The following CENPP variants were observed in gnomAD, a reference collection of about 807,000 sequenced individuals.
The protein encoded by CENPP is centromere protein P.
A neutral mutation model predicts 35.6 loss-of-function variants in CENPP; 24 were observed. The ratio of observed to expected loss-of-function variants is 0.67; its 90% CI spans 0.49 to 0.95. The LOEUF is 0.95. Ranked by LOEUF, CENPP falls within the 40% of genes least tolerant of loss-of-function variation. The pLI is 0.00. For synonymous variants in CENPP, 120 were observed against 125.5 expected (o/e 0.96, Z 0.29); for missense variants, 332 against 345.3 (o/e 0.96, Z 0.31).
At chr9:92,526,887 G>A (rs1216614065) in intron 5 of CENPP, among the ~76,000 whole-genome samples, 5 of 152,104 alleles carry the variant, frequency 3.3e-5, no homozygotes, top group Non-Finnish European at 7.4e-5. Flanking sequence ...TGACTCACCG[G>A]AGTGACTTCC....
chr9:92,591,032 C>T (rs1850651023), intron 5 of CENPP, among the ~76,000 whole-genome samples: 1 of 152,212 alleles, frequency 6.6e-6, no homozygotes, highest in Non-Finnish European at 1.5e-5. Context: ...TAAGTTTAAA[C>T]ATTTCCACTC....
At position 92,375,395 on chromosome 9, in the gene CENPP, G is replaced by T. The variant is rs187395282; in HGVS notation, c.468-4368G>T. The stretch of plus-strand genomic sequence containing the variant: ...GCAACCTCTGCCTCCTGGGTTCAAG[G>T]GATTCTCCTGCCTCAGCCTCCTGAG... On this transcript the variant is annotated intron_variant, in intron 4 of 7. Coordinates refer to ENST00000375587, the MANE Select transcript of CENPP (RefSeq NM_001012267.3). Among the ~76,000 whole-genome samples, 3 of 151,750 alleles carry T rather than the reference G, an allele frequency of 2.0e-5. No individual in the cohort carries two copies. The East Asian group carries it at 5.8e-4, about 29-fold the overall frequency.
chr9:92,449,093 A>G (rs1844627257), intron 5 of CENPP, among the ~76,000 whole-genome samples: 1 of 152,146 alleles, frequency 6.6e-6, no homozygotes, highest in African/African-American at 2.4e-5. Context: ...AGACTGCTGT[A>G]TTCAAATCCC....
chr9:92,549,638 C>T (rs540118171), intron 5 of CENPP, among the ~76,000 whole-genome samples: 1 of 137,886 alleles, frequency 7.3e-6, no homozygotes, highest in East Asian at 2.0e-4. Context: ...GAGAGCATGA[C>T]TCCGTCTCAA....
At chr9:92,550,148 A>C (rs1277402340) in intron 5 of CENPP, among the ~76,000 whole-genome samples, 1 of 152,180 alleles carries the variant, frequency 6.6e-6, no homozygotes, top group Non-Finnish European at 1.5e-5. Flanking sequence ...CTACAATCCT[A>C]GCACTTTGGG....
intron 4 of CENPP, among the ~76,000 whole-genome samples, chr9:92,352,520 T>C (rs1436937292): frequency 1.2e-4 from 13 of 109,414 alleles, no homozygotes; most frequent in African/African-American, 3.7e-4. Flanking sequence ...CATATATATA[T>C]ATATATATAT....
chr9:92,337,416 A>C (rs1237887513), intron 2 of CENPP, 125 bp from the exon 3 acceptor site: 3 of 561,026 alleles, frequency 5.3e-6, no homozygotes, highest in Non-Finnish European at 9.7e-6. Flanking sequence ...TTTTCAATGT[A>C]ATTGCTAATG....
intron 5 of CENPP, chr9:92,457,130 G>A (rs992096621): frequency 4.0e-5 from 56 of 1,403,546 alleles, no homozygotes; most frequent in Admixed American, 6.4e-5. Flanking sequence ...GCAAAATTCC[G>A]TTGAAATTTC....
At chr9:92,395,479 G>A (rs189208349) in intron 5 of CENPP, among the ~76,000 whole-genome samples, 26 of 152,284 alleles carry the variant, frequency 1.7e-4, no homozygotes, top group Admixed American at 2.6e-4. Context: ...AAATTTATGT[G>A]TAAGTTTGTG....
intron 5 of CENPP, 38 bp from the exon 6 acceptor site, chr9:92,611,276 C>T (rs958768846): frequency 1.6e-5 from 25 of 1,549,464 alleles, no homozygotes; most frequent in East Asian, 2.2e-5. Context: ...TTTCTCCCCA[C>T]CAGTGGATCT....
At chr9:92,609,314 A>G (rs1287203305) in intron 5 of CENPP, among the ~76,000 whole-genome samples, 1 of 152,216 alleles carries the variant, frequency 6.6e-6, no homozygotes, top group Non-Finnish European at 1.5e-5. Context: ...TTCCTTTAAA[A>G]GCTTTGTCAT....
rs528651485 is a variant in CENPP at position 92,576,224 on chromosome 9, T to C, written c.565-35090T>C. On this transcript the variant is annotated intron_variant, in intron 5 of 7. Transcript: ENST00000375587. The stretch of plus-strand genomic sequence containing the variant: ...ACAAAATGGATGAAGTTTGTGGACA[T>C]TATGCTAAGTGATATAGCCAGTCAC... 5.9e-5 allele frequency among the ~76,000 whole-genome samples: 9 copies of C among 152,328 alleles called. No homozygotes were observed. In the East Asian group the frequency reaches 1.7e-3, roughly 29 times the overall value.
chr9:92,543,264 G>T (rs1313292111), intron 5 of CENPP, among the ~76,000 whole-genome samples: 1 of 151,950 alleles, frequency 6.6e-6, no homozygotes, highest in Non-Finnish European at 1.5e-5. Flanking sequence ...TTGAGGTCAG[G>T]AGTTCAAGAC....
At chr9:92,610,208 G>A (rs1375955089) in intron 5 of CENPP, among the ~76,000 whole-genome samples, 2 of 152,264 alleles carry the variant, frequency 1.3e-5, no homozygotes, top group South Asian at 2.1e-4. Flanking sequence ...GGCACGTGCC[G>A]CCAGGCCCGG....
At chr9:92,608,818 AC>A (rs1851153760) in intron 5 of CENPP, among the ~76,000 whole-genome samples, 4 of 152,350 alleles carry the variant, frequency 2.6e-5, no homozygotes, top group African/African-American at 9.6e-5. Context: ...AGTAAGGTAC[AC>A]TTTTTTTACT....
At chr9:92,540,722 G>T (rs1222970984) in intron 5 of CENPP, among the ~76,000 whole-genome samples, 6 of 150,488 alleles carry the variant, frequency 4.0e-5, no homozygotes, top group African/African-American at 1.5e-4. Flanking sequence ...GGGGAGCCGA[G>T]ATCACACCAC....
chr9:92,559,701 A>G (rs1258692686), intron 5 of CENPP, among the ~76,000 whole-genome samples: 1 of 151,834 alleles, frequency 6.6e-6, no homozygotes, highest in Non-Finnish European at 1.5e-5. Context: ...GGGTCTCACT[A>G]TGTTGCCAGG....
Position 92,360,312 on chromosome 9 carries a change from T to C in CENPP, c.467+14525T>C, listed in dbSNP as rs76927914. ...GATCACTTCCCCTTCCTGCTTCATGTGGTAGTTTTCATGTGAATTATATTC... is the reference window on the plus strand; with the variant it reads ...GATCACTTCCCCTTCCTGCTTCATGCGGTAGTTTTCATGTGAATTATATTC... On this transcript the variant is annotated intron_variant, in intron 4 of 7. Coordinates refer to ENST00000375587, the MANE Select transcript of CENPP (RefSeq NM_001012267.3). Among the ~76,000 whole-genome samples the C allele has an allele frequency of 5.3e-5, 8 of 152,332 alleles. No homozygotes were observed. The East Asian group carries it at 1.5e-3, about 29-fold the overall frequency.
chr9:92,552,242 G>T (rs1849633181), intron 5 of CENPP, among the ~76,000 whole-genome samples: 1 of 150,192 alleles, frequency 6.7e-6, no homozygotes, highest in African/African-American at 2.5e-5. Context: ...TCCACTTGTT[G>T]ATTGATGGGC....
Sources: allele counts gnomAD v4.1 joint callset (sites outside exome capture counted in the v4.1 genomes callset), GRCh38; gene constraint gnomAD v4.1.1; transcripts MANE v1.5; gene names NCBI Gene and HGNC (gene_info 2026-07-23, HGNC 2026-07-21).